Variants in TBC1D14 observed in about 807,000 individuals in gnomAD.
The protein encoded by TBC1D14 is TBC1 domain family member 14, also known as TBC1 domain family, member 14.
A neutral mutation model predicts 79.0 loss-of-function variants in TBC1D14; 26 were observed. That is an observed-to-expected ratio of 0.33 (90% CI 0.24 to 0.46). The LOEUF (loss-of-function observed/expected upper bound fraction) is 0.46. Among genes scored for constraint, TBC1D14 ranks in the 20% least tolerant of loss-of-function variants. The pLI, the probability that TBC1D14 is intolerant of heterozygous loss-of-function variation, is 1.00. For synonymous variants in TBC1D14, 394 were observed against 349.9 expected (o/e 1.13, Z -1.40); for missense variants, 769 against 887.6 (o/e 0.87, Z 1.70).
chr4:7,015,140 A>G (rs914977983), intron 12 of TBC1D14, among the ~76,000 whole-genome samples: 8 of 151,950 alleles, frequency 5.3e-5, no homozygotes, highest in Admixed American at 1.3e-4. Flanking sequence ...TCTTAGACCC[A>G]AGCTCTGGAG....
rs1718444177 is a variant in TBC1D14 at position 6,991,132 on chromosome 4, A to C, written c.844-3052A>C. ...CTGGGATTTCAAGTATGAGCAGGCT[A>C]GGCCACCTGTGTTACTTTATTATTT... is the stretch of plus-strand genomic sequence containing the variant. On this transcript the variant is annotated intron_variant, in intron 3 of 13. Coordinates refer to ENST00000409757, the MANE Select transcript of TBC1D14 (RefSeq NM_020773.3). Among the ~76,000 whole-genome samples, 18 of 152,348 alleles carry C rather than the reference A, an allele frequency of 1.2e-4. No homozygotes were observed. The South Asian group carries it at 3.7e-3, about 32-fold the overall frequency.
At chr4:6,914,532 G>T (rs1380077543) in intron 1 of TBC1D14, among the ~76,000 whole-genome samples, 1 of 152,184 alleles carries the variant, frequency 6.6e-6, no homozygotes, top group African/African-American at 2.4e-5. Flanking sequence ...ACTCAGGCTA[G>T]CCCGGCACAG....
At position 7,001,506 on chromosome 4, in the gene TBC1D14, G is replaced by GA. The variant is rs1332194283; in HGVS notation, c.1270+256dup. 4.0e-5 allele frequency: 17 copies of GA among 420,084 alleles called. No homozygotes were observed. The East Asian group carries it at 7.4e-4, about 18-fold the overall frequency. The allele number at this position is 420,084 out of a possible 1,614,324, so 26.0% of individuals were successfully genotyped here. A position where few individuals can be genotyped will look rare whatever the true frequency, so the allele number is the denominator to read the frequency against. ...GGAAGACAGGGCTTAGAGCATCGGGGAGGTGCCTGAGCTTCGCAGATCAAA... is the reference window on the plus strand; with the variant it reads ...GGAAGACAGGGCTTAGAGCATCGGGGAAGGTGCCTGAGCTTCGCAGATCAAA... On this transcript the variant is annotated intron_variant, in intron 7 of 13. Coordinates refer to ENST00000409757, the MANE Select transcript of TBC1D14 (RefSeq NM_020773.3).
At chr4:7,027,223 A>G (rs1024448964) in intron 13 of TBC1D14, among the ~76,000 whole-genome samples, 13 of 151,918 alleles carry the variant, frequency 8.6e-5, no homozygotes, top group Non-Finnish European at 1.3e-4. Context: ...AAAAACCCCA[A>G]AAAAGCAGGT....
chr4:6,972,974 G>C (rs1716350697), intron 3 of TBC1D14, among the ~76,000 whole-genome samples: 1 of 152,240 alleles, frequency 6.6e-6, no homozygotes, highest in African/African-American at 2.4e-5. Flanking sequence ...TACATAGGCT[G>C]TAGGGATTGA....
intron 2 of TBC1D14, among the ~76,000 whole-genome samples, chr4:6,952,018 G>T (rs1480037575): frequency 1.3e-5 from 2 of 152,122 alleles, no homozygotes; most frequent in African/African-American, 4.8e-5. Flanking sequence ...CTGTTGTCGT[G>T]GTTATGCCCC....
At chr4:6,949,886 T>C (rs1713866322) in intron 2 of TBC1D14, among the ~76,000 whole-genome samples, 1 of 152,138 alleles carries the variant, frequency 6.6e-6, no homozygotes, top group Non-Finnish European at 1.5e-5. Flanking sequence ...TTGTTGTAAA[T>C]GCAGTGAATT....
chr4:7,004,119 AAAG>A (rs1386562449), intron 7 of TBC1D14, among the ~76,000 whole-genome samples: 4 of 152,234 alleles, frequency 2.6e-5, no homozygotes, highest in Non-Finnish European at 5.9e-5. Flanking sequence ...CTTGTCCTTG[AAAG>A]AAGAATGGGG....
At chr4:7,023,931 A>G (rs1294848096) in intron 12 of TBC1D14, among the ~76,000 whole-genome samples, 1 of 152,190 alleles carries the variant, frequency 6.6e-6, no homozygotes, top group African/African-American at 2.4e-5. Flanking sequence ...AATGAAGTCT[A>G]GATTTTTAGG....
chr4:7,025,380 C>A, intron 13 of TBC1D14, 118 bp downstream of exon 13: 1 of 1,480,946 alleles, frequency 6.8e-7, no homozygotes, highest in Non-Finnish European at 9.0e-7. Context: ...AGTCCCTGGG[C>A]TGGAACTGAG....
rs1462662436 is a variant in TBC1D14, at chr4:7,032,104, C to T, written c.*1712C>T. 8 of 152,562 alleles carry T rather than the reference C, an allele frequency of 5.2e-5. No homozygotes were observed. The highest frequency in any genetic ancestry group is 1.0e-4 in the Non-Finnish European group (7 of 68,036). 9.5% of individuals were successfully genotyped at this position (152,562 alleles called of 1,614,324 possible). On this transcript the variant is annotated 3_prime_UTR_variant, in exon 14 of 14. Transcript: ENST00000409757. ...GAGCATCGTGGAGACCACTTTCTGC[C>T]TCGGCCTTTAAATGCTGACTCACCT... is the stretch of plus-strand genomic sequence containing the variant.
At chr4:6,938,542 G>C (rs567402260) in intron 2 of TBC1D14, among the ~76,000 whole-genome samples, 3 of 152,292 alleles carry the variant, frequency 2.0e-5, no homozygotes, top group African/African-American at 4.8e-5. Context: ...CTTCCCACCA[G>C]GCACCAGCCT....
At chr4:6,916,372 C>T (rs1046137792) in intron 1 of TBC1D14, among the ~76,000 whole-genome samples, 1 of 152,332 alleles carries the variant, frequency 6.6e-6, no homozygotes, top group African/African-American at 2.4e-5. Context: ...CAGACGGCAG[C>T]ATGACTTCTC....
chr4:6,973,860 G>C (rs1055542482), intron 3 of TBC1D14, among the ~76,000 whole-genome samples: 29 of 152,074 alleles, frequency 1.9e-4, no homozygotes, highest in African/African-American at 7.0e-4. Flanking sequence ...GTCTCACTCT[G>C]TCACCCAGGC....
intron 1 of TBC1D14, among the ~76,000 whole-genome samples, chr4:6,917,097 A>G (rs1269147557): frequency 6.6e-6 from 1 of 152,106 alleles, no homozygotes; most frequent in African/African-American, 2.4e-5. Context: ...CGGGAACTTG[A>G]TGGTAGGGGA....
rs1012299396 is a variant in TBC1D14, at chr4:7,025,225, C to T, written c.1979C>T (p.Thr660Met). 4.3e-6 allele frequency: 7 copies of T among 1,614,238 alleles called. No individual in the cohort carries two copies. Among genetic ancestry groups the T allele is most frequent in the East Asian group, 2.2e-5 (1 of 44,884 alleles). ...PAEELFASIATIQMQSRNKKW... is the reference protein window; with the variant it reads ...PAEELFASIAMIQMQSRNKKW... Reference sequence around the variant, plus strand: ...GAGGAGCTGTTTGCCTCCATCGCCACGATCCAGATGCAGAGCCGAAACAAG... The same window carrying T: ...GAGGAGCTGTTTGCCTCCATCGCCATGATCCAGATGCAGAGCCGAAACAAG... Residue 660 changes from threonine (T) to methionine (M), a missense_variant, in exon 13 of 14, where the codon ACG becomes ATG. Transcript: ENST00000409757.
chr4:7,030,619 C>T lies in TBC1D14; in HGVS notation c.*227C>T, dbSNP rs1560377090. On this transcript the variant is annotated 3_prime_UTR_variant, in exon 14 of 14. Transcript: ENST00000409757. ...AAGGATGAGCTGCTGCGGACCACAGCCAGCCACTGCATCTGCTGCACAGTT... is the reference window on the plus strand; with the variant it reads ...AAGGATGAGCTGCTGCGGACCACAGTCAGCCACTGCATCTGCTGCACAGTT... 2 of 466,388 alleles carry T rather than the reference C, an allele frequency of 4.3e-6. No individual in the cohort carries two copies. Among genetic ancestry groups the T allele is most frequent in the Non-Finnish European group, 8.0e-6 (2 of 251,428 alleles). 28.9% of individuals were successfully genotyped at this position (466,388 alleles called of 1,614,324 possible). A position where few individuals can be genotyped will look rare whatever the true frequency, so the allele number is the denominator to read the frequency against.
At chr4:6,962,739 C>G (rs760451634) in intron 2 of TBC1D14, among the ~76,000 whole-genome samples, 1 of 152,120 alleles carries the variant, frequency 6.6e-6, no homozygotes, top group Non-Finnish European at 1.5e-5. Flanking sequence ...CTGCCCATTA[C>G]CCCTTCTTTT....
intron 2 of TBC1D14, among the ~76,000 whole-genome samples, chr4:6,964,334 T>C (rs926609875): frequency 4.6e-5 from 7 of 152,166 alleles, no homozygotes; most frequent in African/African-American, 1.7e-4. Context: ...TGTGCAATTC[T>C]CCCGTCCATT....
Sources: allele counts gnomAD v4.1 joint callset (sites outside exome capture counted in the v4.1 genomes callset), GRCh38; gene constraint gnomAD v4.1.1; transcripts MANE v1.5; gene names NCBI Gene and HGNC (gene_info 2026-07-23, HGNC 2026-07-21).